The following LPIN1 variants were observed in gnomAD, a reference collection of about 807,000 sequenced individuals.
LPIN1 encodes the protein lipin 1.
Under a neutral mutation model 107.5 loss-of-function variants are expected in LPIN1, and 71 were observed. That is an observed-to-expected ratio of 0.66 (90% confidence interval 0.55 to 0.80). The LOEUF is 0.80. LPIN1 is among the 30% of genes least tolerant of loss of function. The pLI is 0.00. For synonymous variants in LPIN1, 445 were observed against 452.6 expected, an observed-to-expected ratio of 0.98 and a Z score of 0.21; for missense variants, 1,043 against 1,160.6, an observed-to-expected ratio of 0.90 and a Z score of 1.47.
intron 17 of LPIN1, among the ~76,000 whole-genome samples, chr2:11,813,681 G>A (rs1423889312): frequency 2.0e-5 from 3 of 152,112 alleles, no homozygotes; most frequent in South Asian, 4.2e-4. Flanking sequence ...TTGGGAGGCC[G>A]AGACGGGTGG....
Position 11,827,258 on chromosome 2 carries a change from C to T in LPIN1, c.*2467C>T, listed in dbSNP as rs1292805306. 6.6e-6 allele frequency: 1 copy of T among 152,440 alleles called. No individual in the cohort carries two copies. Among genetic ancestry groups the T allele is most frequent in the Non-Finnish European group, 1.5e-5 (1 of 68,026 alleles). 9.4% of individuals were successfully genotyped at this position (152,440 alleles called of 1,614,324 possible). A position where few individuals can be genotyped will look rare whatever the true frequency, so the allele number is the denominator to read the frequency against. On this transcript the variant is annotated 3_prime_UTR_variant, in exon 21 of 21. Coordinates refer to ENST00000674199, the MANE Select transcript of LPIN1 (RefSeq NM_001349206.2). This position sits in a 1 kb window ranked among gnomAD's most constrained non-coding sequence, Gnocchi z 4.1. Reference sequence around the variant, plus strand: ...TCCCTTTGCAATTTTATGTTTGGATCACCACTGTAAGCACACTTTATTTGC... The same window carrying T: ...TCCCTTTGCAATTTTATGTTTGGATTACCACTGTAAGCACACTTTATTTGC...
At chr2:11,677,968 G>C (rs1264640993) in intron 1 of LPIN1, among the ~76,000 whole-genome samples, 2 of 152,196 alleles carry the variant, frequency 1.3e-5, no homozygotes, top group Non-Finnish European at 2.9e-5. Context: ...AGAATTAAAG[G>C]CTTTTTTCTT....
At chr2:11,769,332 T>C (rs891244379) in intron 3 of LPIN1, among the ~76,000 whole-genome samples, 2 of 152,236 alleles carry the variant, frequency 1.3e-5, no homozygotes, top group Admixed American at 6.5e-5. Context: ...TCTGACATCT[T>C]TTTATGTGCT....
At chr2:11,709,899 G>A (rs56820808) in intron 1 of LPIN1, among the ~76,000 whole-genome samples, 2,758 of 152,284 alleles carry the variant, frequency 0.018, 96 homozygotes, top group African/African-American at 0.063. Flanking sequence ...GAATTTGGAC[G>A]TAGGCTCCAG....
intron 1 of LPIN1, among the ~76,000 whole-genome samples, chr2:11,730,663 C>T (rs377270105): frequency 3.9e-5 from 6 of 152,130 alleles, no homozygotes; most frequent in African/African-American, 9.7e-5. Flanking sequence ...GCTTTTTCTA[C>T]GGGTAGGCTT....
intron 17 of LPIN1, among the ~76,000 whole-genome samples, chr2:11,813,072 G>A (rs568314270): frequency 2.1e-4 from 32 of 152,254 alleles, no homozygotes; most frequent in South Asian, 8.3e-4. Flanking sequence ...GAGGAGTCTC[G>A]GGGTGAGTTG....
upstream of LPIN1, among the ~76,000 whole-genome samples, chr2:11,744,347 G>A (rs922672936): frequency 6.6e-6 from 1 of 152,226 alleles, no homozygotes; most frequent in Non-Finnish European, 1.5e-5. Context: ...GATCAAAAGC[G>A]CCAGGGCTTT....
chr2:11,693,720 A>G (rs1662384436), intron 1 of LPIN1, among the ~76,000 whole-genome samples: 1 of 141,282 alleles, frequency 7.1e-6, no homozygotes, highest in Non-Finnish European at 1.5e-5. Context: ...AGGGGCACTA[A>G]TGTCTGACTC....
intron 17 of LPIN1, among the ~76,000 whole-genome samples, chr2:11,811,282 T>C (rs1195620162): frequency 6.6e-6 from 1 of 152,190 alleles, no homozygotes; most frequent in African/African-American, 2.4e-5. Context: ...TGGCATGTCC[T>C]GCCACCGGTT....
intron 18 of LPIN1, chr2:11,819,170 A>C: frequency 3.0e-6 from 1 of 332,844 alleles, no homozygotes; most frequent in Non-Finnish European, 5.7e-6. Context: ...TTTTAAGGTT[A>C]TGCTAGCCTC....
chr2:11,819,078 A>G (rs183671267), intron 18 of LPIN1: 120 of 224,138 alleles, frequency 5.4e-4, no homozygotes, highest in Admixed American at 1.6e-3. Flanking sequence ...ACGTGTATAT[A>G]TATATTTTAG....
At chr2:11,731,509 A>G (rs1455589650) in intron 1 of LPIN1, among the ~76,000 whole-genome samples, 1 of 152,130 alleles carries the variant, frequency 6.6e-6, no homozygotes, top group East Asian at 1.9e-4. Context: ...AGTCTTTGCT[A>G]TTGTAAATAG....
At chr2:11,821,103 T>A in intron 20 of LPIN1, among the ~76,000 whole-genome samples, 1 of 152,166 alleles carries the variant, frequency 6.6e-6, no homozygotes, top group Non-Finnish European at 1.5e-5. Flanking sequence ...ATTTCCTCAT[T>A]CCATGTTGTT....
intron 1 of LPIN1, among the ~76,000 whole-genome samples, chr2:11,732,898 T>TCA (rs1277262499): frequency 1.4e-5 from 2 of 139,604 alleles, no homozygotes; most frequent in African/African-American, 6.4e-5. Context: ...TCTCTTTCTC[T>TCA]CTCTCTCTCT....
chr2:11,743,475 G>T (rs1666571520), upstream of LPIN1, among the ~76,000 whole-genome samples: 1 of 152,188 alleles, frequency 6.6e-6, no homozygotes, highest in Non-Finnish European at 1.5e-5. The surrounding 1 kb of genome is among the most constrained non-coding windows in gnomAD (Gnocchi z 4.7). Flanking sequence ...TTCCCAGGCT[G>T]CTCTGTTCCC....
chr2:11,762,617 G>A (rs1670027742), intron 1 of LPIN1, among the ~76,000 whole-genome samples: 1 of 152,216 alleles, frequency 6.6e-6, no homozygotes, highest in East Asian at 1.9e-4. Flanking sequence ...CTGGAGCTAA[G>A]GAGCTATTTC....
In LPIN1 at chr2:11,771,130, A is replaced by G. The variant is rs977630655; in HGVS notation, c.289-242A>G. Among the ~76,000 whole-genome samples the G allele has an allele frequency of 1.3e-5, 2 of 152,198 alleles. No individual in the cohort carries two copies. The highest frequency in any genetic ancestry group is 1.3e-4 in the Admixed American group (2 of 15,278). On this transcript the variant is annotated intron_variant, in intron 3 of 20. Transcript: ENST00000674199. This position sits in a 1 kb window ranked among gnomAD's most constrained non-coding sequence, Gnocchi z 4.8. ...AGAATTACCTCCCATTGTTAAAATT[A>G]CATAAATGCAGGATTGAGTACAAAG...
chr2:11,748,162 GC>G (rs1041873255), intron 1 of LPIN1, among the ~76,000 whole-genome samples: 4 of 152,236 alleles, frequency 2.6e-5, no homozygotes, highest in Admixed American at 2.0e-4. Flanking sequence ...GAAGGAGCCT[GC>G]CCTGGATTAG....
At chr2:11,692,155 T>C (rs1662303252) in intron 1 of LPIN1, among the ~76,000 whole-genome samples, 1 of 152,270 alleles carries the variant, frequency 6.6e-6, no homozygotes, top group Admixed American at 6.5e-5. Flanking sequence ...CATACCTTGC[T>C]GTGCATCCTA....
Sources: allele counts gnomAD v4.1 joint callset (sites outside exome capture counted in the v4.1 genomes callset), GRCh38; gene constraint gnomAD v4.1.1; non-coding constraint Gnocchi (gnomAD v3.1); transcripts MANE v1.5; gene names NCBI Gene and HGNC (gene_info 2026-07-23, HGNC 2026-07-21).